The following SORL1 variants were observed in gnomAD, a reference collection of about 807,000 sequenced individuals.
The protein encoded by SORL1 is sortilin-related receptor.
Under a neutral mutation model 273.7 loss-of-function variants are expected in SORL1, and 127 were observed. The observed-to-expected ratio is 0.46, with a 90% CI of 0.40 to 0.54. SORL1 has a LOEUF of 0.54. SORL1 is among the 20% of genes least tolerant of loss of function. The pLI is 0.00. For missense variants in SORL1, 2,494 were observed against 2,846.1 expected, an observed-to-expected ratio of 0.88 and a Z score of 2.81; for synonymous variants, 1,031 against 1,067.4, an observed-to-expected ratio of 0.97 and a Z score of 0.66.
At chr11:121,454,157 C>T (rs991631930) in intron 1 of SORL1, among the ~76,000 whole-genome samples, 1 of 152,198 alleles carries the variant, frequency 6.6e-6, no homozygotes, top group Non-Finnish European at 1.5e-5. Flanking sequence ...CTCTTAACAG[C>T]GACACCAGCA....
chr11:121,549,974 A>G lies in SORL1; in HGVS notation c.2066A>G (p.Lys689Arg), dbSNP rs760661742. Residue 689 changes from lysine to arginine, a missense_variant, in exon 15 of 48, where the codon AAG becomes AGG. Physicochemically the swap from Lys to Arg is conservative, Grantham distance 26. Coordinates refer to ENST00000260197, the MANE Select transcript of SORL1 (RefSeq NM_003105.6). ...REDYECDFGF[K>R]MSEDLSLEVC... Reference sequence around the variant, plus strand: ...TGCCTTTTTAGTGACTTCGGTTTCAAGATGAGTGAAGATTTGTCATTAGAG... The same window carrying G: ...TGCCTTTTTAGTGACTTCGGTTTCAGGATGAGTGAAGATTTGTCATTAGAG... The G allele has an allele frequency of 6.2e-7, 1 of 1,613,700 alleles. No homozygotes were observed. Among genetic ancestry groups the G allele is most frequent in the South Asian group, 1.1e-5 (1 of 91,064 alleles).
At chr11:121,542,387 A>G (rs1351350912) in intron 12 of SORL1, among the ~76,000 whole-genome samples, 3 of 152,148 alleles carry the variant, frequency 2.0e-5, no homozygotes, top group South Asian at 4.1e-4. Context: ...TTTGGCTTTT[A>G]TACTCCTTTA....
chr11:121,498,299 G>C lies in SORL1; in HGVS notation c.939+1250G>C, dbSNP rs1181043607. ...TGGGGTGATGGGAACACACAGATAA[G>C]AAATCAGGCCCAAGCACTGGTGCCT... On this transcript the variant is annotated intron_variant, in intron 6 of 47. Coordinates refer to ENST00000260197, the MANE Select transcript of SORL1 (RefSeq NM_003105.6). 8.5e-5 allele frequency among the ~76,000 whole-genome samples: 13 copies of C among 152,196 alleles called. 1 individual carries two copies. Among genetic ancestry groups the C allele is most frequent in the Admixed American group, 8.5e-4 (13 of 15,280 alleles).
intron 46 of SORL1, 97 bp downstream of exon 46, chr11:121,625,374 GAAGATATTC>G: frequency 1.0e-6 from 1 of 995,990 alleles, no homozygotes; most frequent in Non-Finnish European, 1.5e-6. Flanking sequence ...AAAACACATG[GAAGATATTC>G]TCAGCTTAAA....
rs553230154 is a variant in SORL1, at chr11:121,619,860, C to T, written c.5832C>T (p.Gly1944=). ...PPRHLHVVHT[G]KTSVVIKWES... ...GTCACCTGCATGTGGTTCATACGGG[C>T]AAAACCTCCGTGGTCATCAAGTGGG... Residue 1944 remains glycine, a synonymous_variant, in exon 43 of 48, where the codon GGC becomes GGT. Coordinates refer to ENST00000260197, the MANE Select transcript of SORL1 (RefSeq NM_003105.6). 7 of 1,614,012 alleles carry T rather than the reference C, an allele frequency of 4.3e-6. No individual in the cohort carries two copies. In the South Asian group the frequency reaches 6.6e-5, roughly 15 times the overall value.
chr11:121,586,408 T>G (rs1843229064), intron 27 of SORL1, 79 bp downstream of exon 27: 1 of 1,074,906 alleles, frequency 9.3e-7, no homozygotes, highest in Non-Finnish European at 1.4e-6. Flanking sequence ...CTAAATCCTT[T>G]CATTTCCTCA....
rs1703582901 is a variant in SORL1, at chr11:121,520,716, A to G, written c.1271A>G (p.Tyr424Cys). ...FHRVEGLQGV[Y>C]IATLINGSMN... ...CGAGTGGAAGGATTGCAAGGAGTCT[A>G]CATTGCTACTCTGATTAATGGTTCT... Residue 424 changes from tyrosine (Y) to cysteine (C), a missense_variant, in exon 9 of 48, where the codon TAC becomes TGC. This residue lies in a region of SORL1 where 710 missense variants were observed against 882.5 expected (regional missense o/e 0.80). Coordinates refer to ENST00000260197, the MANE Select transcript of SORL1 (RefSeq NM_003105.6). 10 of 1,609,182 alleles carry G rather than the reference A, an allele frequency of 6.2e-6. No individual in the cohort carries two copies. Among genetic ancestry groups the G allele is most frequent in the Non-Finnish European group, 8.5e-6 (10 of 1,177,944 alleles).
chr11:121,457,360 GC>G (rs1231893674), intron 1 of SORL1, among the ~76,000 whole-genome samples: 2 of 152,126 alleles, frequency 1.3e-5, no homozygotes, highest in South Asian at 4.1e-4. Flanking sequence ...TCCCTCTCAT[GC>G]CCCCTGTTCA....
rs1159261244 is a variant in SORL1 at position 121,633,171 on chromosome 11, C to T, written c.*3608C>T. ...AGATATGTACTGCTGGGTACATGGA[C>T]AGTAAGTGTGTTTTCAGATGGAGTA... is the stretch of plus-strand genomic sequence containing the variant. On this transcript the variant is annotated 3_prime_UTR_variant, in exon 48 of 48. Coordinates refer to ENST00000260197, the MANE Select transcript of SORL1 (RefSeq NM_003105.6). 6.6e-6 allele frequency: 1 copy of T among 152,138 alleles called. No individual in the cohort carries two copies. The highest frequency in any genetic ancestry group is 1.5e-5 in the Non-Finnish European group (1 of 68,036). The allele number at this position is 152,138 out of a possible 1,614,324, so 9.4% of individuals were successfully genotyped here.
At chr11:121,533,398 T>G (rs1055589994) in intron 12 of SORL1, among the ~76,000 whole-genome samples, 2 of 152,192 alleles carry the variant, frequency 1.3e-5, no homozygotes, top group African/African-American at 4.8e-5. Context: ...TTCGATTGCG[T>G]CCTACATTCT....
At chr11:121,454,444 T>C (rs1042379123) in intron 1 of SORL1, among the ~76,000 whole-genome samples, 28 of 152,242 alleles carry the variant, frequency 1.8e-4, no homozygotes, top group African/African-American at 6.8e-4. Flanking sequence ...AGGTTGGACA[T>C]GAACTCTGTT....
At position 121,627,429 on chromosome 11, in the gene SORL1, C is replaced by T; in HGVS notation, c.6365-126C>T. The T allele has an allele frequency of 1.3e-6, 1 of 745,024 alleles. No homozygotes were observed. Among genetic ancestry groups the T allele is most frequent in the Non-Finnish European group, 2.3e-6 (1 of 430,588 alleles). 46.2% of individuals were successfully genotyped at this position (745,024 alleles called of 1,614,324 possible). The stretch of plus-strand genomic sequence containing the variant: ...ACGCACATGCAGAAACGTCTCACAC[C>T]AGACAGGCAGTTTGTGTAGCTGTGG... On this transcript the variant is annotated intron_variant, in intron 46 of 47. Coordinates refer to ENST00000260197, the MANE Select transcript of SORL1 (RefSeq NM_003105.6). The surrounding 1 kb of genome is among the most constrained non-coding windows in gnomAD (Gnocchi z 4.9).
chr11:121,629,367 G>A (rs1863841963), intron 47 of SORL1, 129 bp from the exon 48 acceptor site: 1 of 623,956 alleles, frequency 1.6e-6, no homozygotes, highest in African/African-American at 1.8e-5. Context: ...TATGGTGGCT[G>A]CCTGGCTATG....
At chr11:121,539,164 G>T (rs2134880408) in intron 12 of SORL1, among the ~76,000 whole-genome samples, 1 of 152,290 alleles carries the variant, frequency 6.6e-6, no homozygotes, top group Middle Eastern at 3.4e-3. Flanking sequence ...TACCATCAGT[G>T]AATTTTATCT....
intron 1 of SORL1, among the ~76,000 whole-genome samples, chr11:121,461,006 G>A (rs1202367971): frequency 6.6e-6 from 1 of 152,126 alleles, no homozygotes; most frequent in African/African-American, 2.4e-5. Context: ...GCCCGAGATG[G>A]CAGGGAGTGG....
chr11:121,579,124 A>C (rs1862977647), intron 25 of SORL1, among the ~76,000 whole-genome samples: 2 of 147,374 alleles, frequency 1.4e-5, no homozygotes, highest in South Asian at 4.8e-4. Flanking sequence ...TGATTACTTC[A>C]TTTCTATAGG....
intron 25 of SORL1, among the ~76,000 whole-genome samples, chr11:121,581,232 G>A (rs1863011076): frequency 6.6e-6 from 1 of 152,154 alleles, no homozygotes; most frequent in Non-Finnish European, 1.5e-5. Flanking sequence ...ATAGTCTAGC[G>A]CTTTGTAAGA....
chr11:121,486,966 A>C (rs969967628), intron 3 of SORL1, among the ~76,000 whole-genome samples: 29 of 152,120 alleles, frequency 1.9e-4, no homozygotes, highest in African/African-American at 7.0e-4. Context: ...TGTCTCAAAT[A>C]AACAAGACTC....
intron 12 of SORL1, among the ~76,000 whole-genome samples, chr11:121,541,037 A>G (rs951235742): frequency 6.6e-6 from 1 of 152,212 alleles, no homozygotes; most frequent in Non-Finnish European, 1.5e-5. Flanking sequence ...ATTTATCCAA[A>G]TATCTGTTTC....
Sources: allele counts gnomAD v4.1 joint callset (sites outside exome capture counted in the v4.1 genomes callset), GRCh38; gene constraint gnomAD v4.1.1; regional missense constraint gnomAD v4.1.1; non-coding constraint Gnocchi (gnomAD v3.1); transcripts MANE v1.5; gene names NCBI Gene and HGNC (gene_info 2026-07-23, HGNC 2026-07-21).